The following KIF3B variants were observed in gnomAD, a reference collection of about 807,000 sequenced individuals.
KIF3B encodes the protein kinesin-like protein KIF3B.
A neutral mutation model predicts 74.3 loss-of-function variants in KIF3B; 38 were observed. The observed-to-expected ratio is 0.51, with a 90% CI of 0.39 to 0.67. The LOEUF is 0.67. Ranked by LOEUF, KIF3B falls within the 30% of genes least tolerant of loss-of-function variation. The pLI is 0.00. For missense variants in KIF3B, 649 were observed against 932.0 expected, an observed-to-expected ratio of 0.70 and a Z score of 3.95; for synonymous variants, 326 against 342.5, an observed-to-expected ratio of 0.95 and a Z score of 0.53.
chr20:32,323,106 ATATATTTATATATT>A lies in KIF3B; in HGVS notation c.1749-3648_1749-3635del, dbSNP rs1390460587. ...TATATATTTATATTTATATATTTAT[ATATATTTATATATT>A]TATATTTATATATTTACATATATTT... On this transcript the variant is annotated intron_variant, in intron 5 of 8. Transcript: ENST00000375712. Among the ~76,000 whole-genome samples, 94 of 114,396 alleles carry A rather than the reference ATATATTTATATATT, an allele frequency of 8.2e-4. 1 individual carries two copies. Among genetic ancestry groups the A allele is most frequent in the African/African-American group, 2.8e-3 (86 of 30,606 alleles). The allele number at this position is 114,396 out of a possible 152,430, so 75.0% of individuals were successfully genotyped here.
intron 1 of KIF3B, among the ~76,000 whole-genome samples, chr20:32,286,929 C>A (rs553474273): frequency 6.6e-6 from 1 of 152,132 alleles, no homozygotes; most frequent in Non-Finnish European, 1.5e-5. Context: ...AAGGCAACCC[C>A]CCTTAAATAA....
chr20:32,333,023 C>T lies in KIF3B; in HGVS notation c.*1704C>T, dbSNP rs1299469904. 1.3e-5 allele frequency: 2 copies of T among 152,608 alleles called. No individual in the cohort carries two copies. The highest frequency in any genetic ancestry group is 4.8e-5 in the African/African-American group (2 of 41,430). 9.5% of individuals were successfully genotyped at this position (152,608 alleles called of 1,614,324 possible). ...TTTCTGGATCAGAACCCATGGGAAA[C>T]AGGAGGTACTAAGTGCAATGTCTTA... On this transcript the variant is annotated 3_prime_UTR_variant, in exon 9 of 9. Transcript: ENST00000375712.
chr20:32,319,474 CAT>C (rs71187103), intron 5 of KIF3B, among the ~76,000 whole-genome samples: 96,874 of 145,104 alleles, frequency 0.67, 33,705 homozygotes, highest in East Asian at 0.99. Context: ...GGGGTTGTTT[CAT>C]ATATATATAT....
At chr20:32,315,870 A>G (rs1366756134) in intron 2 of KIF3B, among the ~76,000 whole-genome samples, 2 of 151,990 alleles carry the variant, frequency 1.3e-5, no homozygotes, top group African/African-American at 4.8e-5. Context: ...GAGCTTTGTG[A>G]TTCACACTCA....
At chr20:32,294,545 C>G (rs2047707916) in intron 1 of KIF3B, among the ~76,000 whole-genome samples, 1 of 152,120 alleles carries the variant, frequency 6.6e-6, no homozygotes, top group South Asian at 2.1e-4. Context: ...TCAATATTAC[C>G]TGCATTTCAT....
chr20:32,285,798 G>C (rs561598088), intron 1 of KIF3B, among the ~76,000 whole-genome samples: 1 of 152,110 alleles, frequency 6.6e-6, no homozygotes, highest in Non-Finnish European at 1.5e-5. Flanking sequence ...CAGACCTTTC[G>C]GGTGTGGCTT....
intron 1 of KIF3B, among the ~76,000 whole-genome samples, chr20:32,292,206 T>C (rs574800282): frequency 4.2e-4 from 64 of 152,208 alleles, no homozygotes; most frequent in Admixed American, 2.0e-3. Context: ...CCCAAAGTGC[T>C]GGGATTATGG....
At chr20:32,319,097 A>T (rs1376412123) in intron 5 of KIF3B, among the ~76,000 whole-genome samples, 1 of 151,814 alleles carries the variant, frequency 6.6e-6, no homozygotes, top group Non-Finnish European at 1.5e-5. Flanking sequence ...AATAGCTGGG[A>T]CTATAGCGGC....
chr20:32,306,678 G>A (rs1320513823), intron 1 of KIF3B, among the ~76,000 whole-genome samples: 4 of 124,858 alleles, frequency 3.2e-5, no homozygotes, highest in Admixed American at 1.1e-4. Flanking sequence ...CAATGCAACC[G>A]CCACCTCCCG....
At position 32,316,794 on chromosome 20, in the gene KIF3B, T is replaced by C. The variant is rs1398449083; in HGVS notation, c.1668T>C (p.His556=). 1.2e-6 allele frequency: 2 copies of C among 1,614,012 alleles called. No individual in the cohort carries two copies. Among genetic ancestry groups the C allele is most frequent in the African/African-American group, 2.7e-5 (2 of 74,932 alleles). Reference sequence around the variant, plus strand: ...TTCAGGCAGTGAAGGCTGAGATCCATGACCTCCAAGAAGAACACATCAAGG... The same window carrying C: ...TTCAGGCAGTGAAGGCTGAGATCCACGACCTCCAAGAAGAACACATCAAGG... ...SKLQAVKAEI[H]DLQEEHIKER... Residue 556 remains histidine (H), a synonymous_variant, in exon 5 of 9, where the codon CAT becomes CAC. Transcript: ENST00000375712.
chr20:32,293,118 GT>G (rs1245197907), intron 1 of KIF3B, among the ~76,000 whole-genome samples: 3 of 152,130 alleles, frequency 2.0e-5, no homozygotes, highest in African/African-American at 7.2e-5. Flanking sequence ...GTTGGATGTG[GT>G]GGGGTGTGCT....
intron 1 of KIF3B, among the ~76,000 whole-genome samples, chr20:32,278,854 C>T (rs1419119515): frequency 1.3e-5 from 2 of 151,438 alleles, no homozygotes; most frequent in African/African-American, 4.9e-5. Context: ...CTGGTGATGT[C>T]ATCCTCATTT....
At chr20:32,317,110 G>T (rs1234906835) in intron 5 of KIF3B, among the ~76,000 whole-genome samples, 1 of 131,714 alleles carries the variant, frequency 7.6e-6, no homozygotes, top group Non-Finnish European at 1.7e-5. Context: ...GGTGGTGCAT[G>T]CCTGTAGTCC....
chr20:32,284,790 A>G (rs75843477), intron 1 of KIF3B, among the ~76,000 whole-genome samples: 4,097 of 152,332 alleles, frequency 0.027, 181 homozygotes, highest in African/African-American at 0.094. Context: ...CTTACCAATG[A>G]TAATGACAAT....
intron 1 of KIF3B, among the ~76,000 whole-genome samples, chr20:32,300,373 G>C (rs2047737664): frequency 6.6e-6 from 1 of 151,774 alleles, no homozygotes; most frequent in Non-Finnish European, 1.5e-5. Flanking sequence ...CGCCTCCCAG[G>C]TTCACACCAT....
chr20:32,282,011 A>T (rs1439875124), intron 1 of KIF3B, among the ~76,000 whole-genome samples: 1 of 152,158 alleles, frequency 6.6e-6, no homozygotes, highest in Admixed American at 6.5e-5. Context: ...TGCTAGAGTA[A>T]TGAGTTGGGA....
chr20:32,314,981 C>T (rs985867181), intron 2 of KIF3B, among the ~76,000 whole-genome samples: 10 of 152,172 alleles, frequency 6.6e-5, no homozygotes, highest in African/African-American at 2.2e-4. Context: ...CAGCCACTCC[C>T]TCTCACTTAC....
chr20:32,310,467 C>T lies in KIF3B; in HGVS notation c.690C>T (p.Leu230=), dbSNP rs745395716. The change falls in exon 2 of 9, where the codon CTC becomes CTT. Residue 230 remains leucine, a synonymous_variant. Coordinates refer to ENST00000375712, the MANE Select transcript of KIF3B (RefSeq NM_004798.4). The surrounding 1 kb of genome is among the most constrained non-coding windows in gnomAD (Gnocchi z 6.5). ...CTATTGAGTGCAGCGAGGTGGGCCTCGATGGTGAAAACCACATCCGTGTAG... is the reference window on the plus strand; with the variant it reads ...CTATTGAGTGCAGCGAGGTGGGCCTTGATGGTGAAAACCACATCCGTGTAG... ...VITIECSEVG[L]DGENHIRVGK... 19 of 1,613,790 alleles carry T rather than the reference C, an allele frequency of 1.2e-5. No individual in the cohort carries two copies. In the South Asian group the frequency reaches 1.2e-4, roughly 10 times the overall value.
intron 1 of KIF3B, among the ~76,000 whole-genome samples, chr20:32,292,180 C>G (rs1407534895): frequency 6.6e-6 from 1 of 150,966 alleles, no homozygotes; most frequent in Non-Finnish European, 1.5e-5. Flanking sequence ...CTCAAGTGAT[C>G]CTCCCACCTC....
Sources: allele counts gnomAD v4.1 joint callset (sites outside exome capture counted in the v4.1 genomes callset), GRCh38; gene constraint gnomAD v4.1.1; non-coding constraint Gnocchi (gnomAD v3.1); transcripts MANE v1.5; gene names NCBI Gene and HGNC (gene_info 2026-07-23, HGNC 2026-07-21).